The following SEMA6D variants were observed in gnomAD, a reference collection of about 807,000 sequenced individuals.
The protein encoded by SEMA6D is semaphorin-6D.
Under a neutral mutation model 106.6 loss-of-function variants are expected in SEMA6D, and 35 were observed. That is an observed-to-expected ratio of 0.33 (90% CI 0.25 to 0.44). The LOEUF is 0.44. Ranked by LOEUF, SEMA6D falls within the 20% of genes least tolerant of loss-of-function variation. The probability of loss-of-function intolerance (pLI) is 1.00; values close to 1 mark genes in which losing one functional copy is unlikely to be tolerated. For missense variants in SEMA6D, 1,185 were observed against 1,345.9 expected, an observed-to-expected ratio of 0.88 and a Z score of 1.87; for synonymous variants, 499 against 487.7, an observed-to-expected ratio of 1.02 and a Z score of -0.31.
intron 1 of SEMA6D, among the ~76,000 whole-genome samples, chr15:47,300,696 A>C (rs1377168867): frequency 6.6e-6 from 1 of 152,146 alleles, no homozygotes; most frequent in African/African-American, 2.4e-5. Flanking sequence ...TTGTGGATCC[A>C]TTTTTAAAGA....
intron 4 of SEMA6D, among the ~76,000 whole-genome samples, chr15:47,650,597 A>G (rs1440754345): frequency 6.6e-6 from 1 of 152,214 alleles, no homozygotes; most frequent in Non-Finnish European, 1.5e-5. Context: ...GGAAGCTTTC[A>G]TTTCAAATCT....
intron 1 of SEMA6D, among the ~76,000 whole-genome samples, chr15:47,342,966 A>G (rs886291347): frequency 2.0e-5 from 3 of 152,114 alleles, no homozygotes; most frequent in African/African-American, 4.8e-5. Context: ...GCCCGCCTCA[A>G]CTTCCCAAAG....
At chr15:47,481,985 G>A (rs1242287970) in intron 3 of SEMA6D, among the ~76,000 whole-genome samples, 1 of 152,076 alleles carries the variant, frequency 6.6e-6, no homozygotes, top group East Asian at 1.9e-4. Context: ...GCTATTTCAG[G>A]TACAGCATGC....
At chr15:47,321,556 A>G (rs2036923944) in intron 1 of SEMA6D, among the ~76,000 whole-genome samples, 1 of 152,122 alleles carries the variant, frequency 6.6e-6, no homozygotes, top group Non-Finnish European at 1.5e-5. Context: ...AATTAGAAGA[A>G]TATGTACATT....
chr15:47,615,784 GTCT>G (rs1463317411), intron 4 of SEMA6D, among the ~76,000 whole-genome samples: 1 of 152,208 alleles, frequency 6.6e-6, no homozygotes, highest in Non-Finnish European at 1.5e-5. Context: ...TACAGAAATT[GTCT>G]CTTTGCGAAA....
At chr15:47,253,710 GTGTC>G (rs2033643207) in intron 1 of SEMA6D, among the ~76,000 whole-genome samples, 1 of 152,128 alleles carries the variant, frequency 6.6e-6, no homozygotes, top group African/African-American at 2.4e-5. Context: ...ATTGGTCTAT[GTGTC>G]TGATTTTTTG....
chr15:47,383,411 G>A (rs190044591), intron 1 of SEMA6D, among the ~76,000 whole-genome samples: 55 of 152,296 alleles, frequency 3.6e-4, no homozygotes, highest in African/African-American at 1.3e-3. Flanking sequence ...CAAGCACTAT[G>A]ATTGGTCTCT....
chr15:47,553,191 A>G (rs955170425), intron 3 of SEMA6D, among the ~76,000 whole-genome samples: 1 of 151,756 alleles, frequency 6.6e-6, no homozygotes, highest in Non-Finnish European at 1.5e-5. Flanking sequence ...GGCATGAGCC[A>G]CCGCGCCCAG....
chr15:47,203,298 G>A (rs1235931703), intron 1 of SEMA6D, among the ~76,000 whole-genome samples: 3 of 152,064 alleles, frequency 2.0e-5, no homozygotes, highest in Non-Finnish European at 2.9e-5. Flanking sequence ...ATCTGACTAA[G>A]AAAGCTTCTT....
chr15:47,657,759 T>A, intron 4 of SEMA6D, among the ~76,000 whole-genome samples: 1 of 111,948 alleles, frequency 8.9e-6, no homozygotes, highest in Non-Finnish European at 1.8e-5. Context: ...TTTTTTTTTT[T>A]GAGACAGAGT....
At chr15:47,607,868 T>G (rs1051136802) in intron 4 of SEMA6D, among the ~76,000 whole-genome samples, 1 of 152,246 alleles carries the variant, frequency 6.6e-6, no homozygotes, top group Non-Finnish European at 1.5e-5. Flanking sequence ...GCAAAAGGCC[T>G]AGGGAGAGGA....
At chr15:47,493,004 C>T (rs78325904) in intron 3 of SEMA6D, among the ~76,000 whole-genome samples, 26,023 of 152,094 alleles carry the variant, frequency 0.17, 2,787 homozygotes, top group South Asian at 0.28. Flanking sequence ...TAAGAGCTTA[C>T]TCCTGCATCC....
At chr15:47,331,998 A>G (rs16959268) in intron 1 of SEMA6D, among the ~76,000 whole-genome samples, 4,126 of 152,270 alleles carry the variant, frequency 0.027, 85 homozygotes, top group South Asian at 0.092. Flanking sequence ...AAAACCATGT[A>G]CAAGTTTGGC....
rs115628361 is a variant in SEMA6D, at chr15:47,330,565, T to C, written c.-238-81828T>C. On this transcript the variant is annotated intron_variant, in intron 1 of 19. Transcript: ENST00000558014. ...AGGGAGCCATAGTTCATGGTGTTAA[T>C]ATCCCAATCACCACTCATTAATTCA... Among the ~76,000 whole-genome samples, 1,171 of 152,326 alleles carry C rather than the reference T, an allele frequency of 7.7e-3. 21 individuals are homozygous for C. The highest frequency in any genetic ancestry group is 0.027 in the African/African-American group (1,117 of 41,572).
chr15:47,317,777 A>G (rs1034540163), intron 1 of SEMA6D, among the ~76,000 whole-genome samples: 1 of 152,056 alleles, frequency 6.6e-6, no homozygotes, highest in Non-Finnish European at 1.5e-5. Flanking sequence ...GGCTACTTTC[A>G]AAATTTTTTC....
chr15:47,384,493 A>ACATGCTG, intron 1 of SEMA6D, among the ~76,000 whole-genome samples: 1 of 152,302 alleles, frequency 6.6e-6, no homozygotes, highest in African/African-American at 2.4e-5. Flanking sequence ...GCATGCTTGC[A>ACATGCTG]CATGCTGTGA....
chr15:47,392,735 A>T (rs1025142), intron 1 of SEMA6D, among the ~76,000 whole-genome samples: 1 of 151,926 alleles, frequency 6.6e-6, no homozygotes, highest in Non-Finnish European at 1.5e-5. Context: ...CTTTGTGATA[A>T]TTTTTTATGG....
At chr15:47,472,255 C>T (rs111374936) in intron 3 of SEMA6D, among the ~76,000 whole-genome samples, 2,369 of 152,178 alleles carry the variant, frequency 0.016, 46 homozygotes, top group African/African-American at 0.036. Flanking sequence ...CCCTATTGTA[C>T]AGAGAAATAA....
At chr15:47,337,551 C>G (rs899801977) in intron 1 of SEMA6D, among the ~76,000 whole-genome samples, 6 of 152,078 alleles carry the variant, frequency 3.9e-5, no homozygotes, top group African/African-American at 1.2e-4. Flanking sequence ...TTTGGATGGC[C>G]GATCATCATT....
Sources: gnomAD v4.1 joint callset for allele counts (sites outside exome capture counted in the v4.1 genomes callset) on GRCh38, gnomAD v4.1.1 for gene constraint, MANE v1.5 for transcripts, NCBI Gene and HGNC (gene_info 2026-07-23, HGNC 2026-07-21) for gene names.